Variants in CCT6B observed in about 807,000 individuals in gnomAD.
The protein encoded by CCT6B is probable T-complex protein 1 subunit zeta-2.
Under a neutral mutation model 61.5 loss-of-function variants are expected in CCT6B, and 49 were observed. The ratio of observed to expected loss-of-function variants is 0.80; its 90% CI spans 0.63 to 1.01. The LOEUF (loss-of-function observed/expected upper bound fraction) is 1.01, where lower values mean the gene tolerates loss of function less well. Among genes scored for constraint, CCT6B ranks in the 50% least tolerant of loss-of-function variants. The probability of loss-of-function intolerance (pLI) is 0.00; values close to 1 mark genes in which losing one functional copy is unlikely to be tolerated. For missense variants in CCT6B, 666 were observed against 634.7 expected, an observed-to-expected ratio of 1.05 and a Z score of -0.53; for synonymous variants, 228 against 214.5, an observed-to-expected ratio of 1.06 and a Z score of -0.55.
chr17:34,940,368 C>G (rs2090148567), intron 8 of CCT6B, among the ~76,000 whole-genome samples, 171 bp downstream of exon 8: 1 of 152,130 alleles, frequency 6.6e-6, no homozygotes, highest in Admixed American at 6.6e-5. Context: ...AGGTTAACAA[C>G]CTTGCTTTTT....
rs1270142732 is a variant in CCT6B, at chr17:34,961,249, T to C, written c.137+8A>G. ...GCCGCGTAATGGCCGCTCCAACCGCTGTCTCACATTTTCATGGTGCCTTTA... is the reference window on the plus strand; with the variant it reads ...GCCGCGTAATGGCCGCTCCAACCGCCGTCTCACATTTTCATGGTGCCTTTA... On this transcript the variant is annotated splice_region_variant and intron_variant, in intron 1 of 13. Coordinates refer to ENST00000314144, the MANE Select transcript of CCT6B (RefSeq NM_006584.4). 3 of 1,596,154 alleles carry C rather than the reference T, an allele frequency of 1.9e-6. No homozygotes were observed. The highest frequency in any genetic ancestry group is 2.6e-6 in the Non-Finnish European group (3 of 1,171,796).
Position 34,942,484 on chromosome 17 carries a change from CT to C in CCT6B, c.884del (p.Lys295ArgfsTer8). 3 of 1,584,910 alleles carry C rather than the reference CT, an allele frequency of 1.9e-6. No individual in the cohort carries two copies. Among genetic ancestry groups the C allele is most frequent in the Admixed American group, 3.9e-5 (2 of 50,998 alleles). ...SNKGFVVINQ[K>X]GIDPFSLDSL... ...CTAAAATCTAAACTTTCTTTCTCAC[CT>C]TTTGATTAATGACGACAAATCCTTT... On this transcript the variant is annotated frameshift_variant and splice_region_variant, in exon 7 of 14. Coordinates refer to ENST00000314144, the MANE Select transcript of CCT6B (RefSeq NM_006584.4). LOFTEE classifies it high-confidence loss of function.
At chr17:34,950,625 C>T (rs1182005994) in intron 5 of CCT6B, among the ~76,000 whole-genome samples, 1 of 152,108 alleles carries the variant, frequency 6.6e-6, no homozygotes, top group South Asian at 2.1e-4. Context: ...AGTCCTATAG[C>T]CATTAAGAAA....
intron 1 of CCT6B, among the ~76,000 whole-genome samples, chr17:34,960,985 A>T (rs1207148141): frequency 1.3e-5 from 2 of 152,232 alleles, no homozygotes; most frequent in Non-Finnish European, 2.9e-5. Flanking sequence ...CCAATGAGAC[A>T]CTAAATTAAC....
chr17:34,939,851 T>G (rs2090140449), intron 8 of CCT6B, 138 bp from the exon 9 acceptor site: 1 of 632,664 alleles, frequency 1.6e-6, no homozygotes, highest in African/African-American at 1.8e-5. Flanking sequence ...CTAATAAAAT[T>G]GTCTATATTT....
Position 34,934,542 on chromosome 17 carries a change from G to A in CCT6B, c.1214-2042C>T, listed in dbSNP as rs188946823. On this transcript the variant is annotated intron_variant, in intron 10 of 13. Coordinates refer to ENST00000314144, the MANE Select transcript of CCT6B (RefSeq NM_006584.4). Reference sequence around the variant, plus strand: ...AATCAGATTTAGCTCATAGATAGTAGTTGATGATCCTAACTTAGATGAAGT... The same window carrying A: ...AATCAGATTTAGCTCATAGATAGTAATTGATGATCCTAACTTAGATGAAGT... 3.3e-5 allele frequency among the ~76,000 whole-genome samples: 5 copies of A among 152,250 alleles called. No homozygotes were observed. The East Asian group carries it at 9.7e-4, about 29-fold the overall frequency.
chr17:34,940,491 CA>C, intron 8 of CCT6B, 47 bp downstream of exon 8: 1 of 970,978 alleles, frequency 1.0e-6, no homozygotes, highest in Non-Finnish European at 1.6e-6. Flanking sequence ...GGATAGTTTC[CA>C]TTTACTCTGT....
intron 3 of CCT6B, 45 bp downstream of exon 3, chr17:34,958,514 AT>A (rs1224925856): frequency 3.2e-6 from 4 of 1,266,198 alleles, no homozygotes; most frequent in Non-Finnish European, 3.2e-6. Flanking sequence ...AGTTAAAAAA[AT>A]AATTTGCCAT....
intron 5 of CCT6B, among the ~76,000 whole-genome samples, chr17:34,950,461 G>T (rs1484583522): frequency 6.6e-6 from 1 of 152,180 alleles, no homozygotes; most frequent in African/African-American, 2.4e-5. Flanking sequence ...TACCACTACA[G>T]ATCCTGCAAA....
intron 7 of CCT6B, 23 bp from the exon 8 acceptor site, chr17:34,940,644 A>G (rs779206308): frequency 8.0e-7 from 1 of 1,245,662 alleles, no homozygotes; most frequent in East Asian, 2.5e-5. Flanking sequence ...TAACATAAAA[A>G]TTATAAACAT....
chr17:34,943,649 G>A (rs1402584913), intron 5 of CCT6B: 1 of 152,056 alleles, frequency 6.6e-6, no homozygotes, highest in African/African-American at 2.4e-5. Flanking sequence ...AGCATTAGGA[G>A]ATATACCTAA....
At chr17:34,938,690 AC>A (rs2090123261) in intron 10 of CCT6B, among the ~76,000 whole-genome samples, 1 of 152,182 alleles carries the variant, frequency 6.6e-6, no homozygotes. Flanking sequence ...ACATGGTGAA[AC>A]CTCATCTCTA....
At chr17:34,959,436 A>G (rs1042333402) in intron 2 of CCT6B, 151 bp downstream of exon 2, 103 of 556,510 alleles carry the variant, frequency 1.9e-4, no homozygotes, top group Non-Finnish European at 2.5e-4. Flanking sequence ...CGGCCAAAAA[A>G]ATTTTTTTAT....
intron 10 of CCT6B, 137 bp from the exon 11 acceptor site, chr17:34,932,637 C>T (rs1399601916): frequency 4.4e-6 from 3 of 678,762 alleles, no homozygotes; most frequent in Non-Finnish European, 7.2e-6. Flanking sequence ...TTAGTAATTA[C>T]TCAGTTATCT....
intron 2 of CCT6B, 136 bp downstream of exon 2, chr17:34,959,451 G>T: frequency 1.6e-6 from 1 of 620,874 alleles, no homozygotes. Context: ...TTTTATTGAG[G>T]TCTAATTCAA....
At chr17:34,941,653 T>A (rs572283823) in intron 7 of CCT6B, among the ~76,000 whole-genome samples, 12 of 152,328 alleles carry the variant, frequency 7.9e-5, no homozygotes, top group African/African-American at 2.9e-4. Context: ...TGTCTGTCAG[T>A]CATTCTTCCA....
chr17:34,927,916 C>T lies in CCT6B; in HGVS notation c.*132G>A. The T allele has an allele frequency of 1.8e-6, 1 of 541,400 alleles. No homozygotes were observed. The highest frequency in any genetic ancestry group is 3.1e-5 in the South Asian group (1 of 32,088). The allele number at this position is 541,400 out of a possible 1,614,324, so 33.5% of individuals were successfully genotyped here. A position where few individuals can be genotyped will look rare whatever the true frequency, so the allele number is the denominator to read the frequency against. On this transcript the variant is annotated 3_prime_UTR_variant, in exon 14 of 14. Coordinates refer to ENST00000314144, the MANE Select transcript of CCT6B (RefSeq NM_006584.4). ...ATACCTTGATGAAATATTTTTGAGA[C>T]TATTAAGACCCAAAAGACATAAACT...
Position 34,927,950 on chromosome 17 carries a change from T to C in CCT6B, c.*98A>G, listed in dbSNP as rs1455971576. 3 of 744,952 alleles carry C rather than the reference T, an allele frequency of 4.0e-6. No homozygotes were observed. Among genetic ancestry groups the C allele is most frequent in the Non-Finnish European group, 2.2e-6 (1 of 461,054 alleles). The allele number at this position is 744,952 out of a possible 1,614,324, so 46.1% of individuals were successfully genotyped here. ...CCCAAAAGACATAAACTGCATTTAT[T>C]GTGTAGAAATTCAGAATGGCTCAGG... On this transcript the variant is annotated 3_prime_UTR_variant, in exon 14 of 14. Coordinates refer to ENST00000314144, the MANE Select transcript of CCT6B (RefSeq NM_006584.4).
rs368850951 is a variant in CCT6B, at chr17:34,961,414, GA to G, written c.-22del. On this transcript the variant is annotated 5_prime_UTR_variant, in exon 1 of 14. Transcript: ENST00000314144. The stretch of plus-strand genomic sequence containing the variant: ...GCCATAGCCTAACCGTTCAGAGGGA[GA>G]AAAAAAAAAAGCCTTAGTCGCGATT... 0.05 allele frequency: 41,475 copies of G among 827,624 alleles called. 7 individuals carry two copies. Among genetic ancestry groups the G allele is most frequent in the South Asian group, 0.13 (5,382 of 41,100 alleles). 51.3% of individuals were successfully genotyped at this position (827,624 alleles called of 1,614,324 possible).
Sources: allele counts gnomAD v4.1 joint callset (sites outside exome capture counted in the v4.1 genomes callset), GRCh38; gene constraint gnomAD v4.1.1; transcripts MANE v1.5; gene names NCBI Gene and HGNC (gene_info 2026-07-23, HGNC 2026-07-21).